Variants in MYO6 observed in about 807,000 individuals in gnomAD.
MYO6 encodes myosin VI.
MYO6 carries 74 observed loss-of-function variants against 178.7 expected under a neutral mutation model. The ratio of observed to expected loss-of-function variants is 0.41; its 90% CI spans 0.34 to 0.50. The LOEUF is 0.50. MYO6 is among the 20% of genes least tolerant of loss of function. The pLI is 0.09. For missense variants in MYO6, 1,330 were observed against 1,547.4 expected (o/e 0.86, Z 2.36); for synonymous variants, 477 against 504.6 (o/e 0.95, Z 0.73).
intron 1 of MYO6, among the ~76,000 whole-genome samples, chr6:75,793,895 T>C (rs1019566146): frequency 1.2e-4 from 19 of 152,196 alleles, no homozygotes; most frequent in African/African-American, 4.6e-4. Flanking sequence ...AATGAAGTCA[T>C]AGGTCTCCAT....
chr6:75,877,126 C>A (rs530364335), intron 20 of MYO6, among the ~76,000 whole-genome samples: 1 of 152,232 alleles, frequency 6.6e-6, no homozygotes, highest in African/African-American at 2.4e-5. Context: ...TATAGGCATG[C>A]ACCACCATGC....
intron 30 of MYO6, among the ~76,000 whole-genome samples, chr6:75,903,705 T>C (rs1780018492): frequency 6.6e-6 from 1 of 152,182 alleles, no homozygotes; most frequent in East Asian, 1.9e-4. Flanking sequence ...TGTCTTTTAA[T>C]TGGAGCATTT....
At chr6:75,901,880 T>G (rs144369500) in intron 30 of MYO6, among the ~76,000 whole-genome samples, 1 of 152,190 alleles carries the variant, frequency 6.6e-6, no homozygotes, top group East Asian at 1.9e-4. Context: ...ATAGCTCTTA[T>G]TATTTTCAAA....
intron 27 of MYO6, among the ~76,000 whole-genome samples, chr6:75,892,168 A>T (rs1275057228): frequency 6.6e-6 from 1 of 152,168 alleles, no homozygotes; most frequent in Non-Finnish European, 1.5e-5. Context: ...CTTTCATAAT[A>T]TATCCTAAGC....
At position 75,908,523 on chromosome 6, in the gene MYO6, A is replaced by C; in HGVS notation, c.3308A>C (p.Glu1103Ala). The change falls in exon 32 of 35, where the codon GAA becomes GCA. Residue 1103 changes from glutamate (E) to alanine (A), a missense_variant. By Grantham distance (107) the Glu-to-Ala change is moderately radical. Around this residue, in one of 3 missense-constraint regions of MYO6, gnomAD observed 601 missense variants for 626.1 expected, o/e 0.96. Coordinates refer to ENST00000369977, the MANE Select transcript of MYO6 (RefSeq NM_004999.4). ...CDIELLAACR[E>A]EFHRRLKVYH... is the part of the protein sequence containing the mutation. ...ATTGAGCTCCTGGCAGCTTGCAGAG[A>C]AGAATTTCATAGGAGACTAAAAGTG... 6.2e-7 allele frequency: 1 copy of C among 1,613,598 alleles called. No homozygotes were observed. Among genetic ancestry groups the C allele is most frequent in the Non-Finnish European group, 8.5e-7 (1 of 1,179,718 alleles).
At chr6:75,853,754 T>G (rs1383557671) in intron 11 of MYO6, among the ~76,000 whole-genome samples, 2 of 152,200 alleles carry the variant, frequency 1.3e-5, no homozygotes, top group Admixed American at 6.6e-5. Context: ...TTAGGTAGTC[T>G]TAGAATATAT....
At chr6:75,896,302 A>AATG (rs1225760585) in intron 29 of MYO6, among the ~76,000 whole-genome samples, 7 of 152,262 alleles carry the variant, frequency 4.6e-5, no homozygotes, top group Non-Finnish European at 1.0e-4. Flanking sequence ...TTTATAATAA[A>AATG]ATGTTTATTT....
chr6:75,777,267 C>T (rs1003890444), intron 1 of MYO6, among the ~76,000 whole-genome samples: 7 of 152,090 alleles, frequency 4.6e-5, no homozygotes, highest in Non-Finnish European at 1.0e-4. Context: ...CTCCCAAGCT[C>T]AAGTGATAAA....
At chr6:75,885,137 G>C (rs1778331009) in intron 23 of MYO6, among the ~76,000 whole-genome samples, 1 of 152,224 alleles carries the variant, frequency 6.6e-6, no homozygotes. Flanking sequence ...GAGTTGGTTA[G>C]GTCAGATCTC....
intron 18 of MYO6, among the ~76,000 whole-genome samples, chr6:75,870,196 A>C (rs1654399117): frequency 6.6e-6 from 1 of 152,202 alleles, no homozygotes; most frequent in South Asian, 2.1e-4. Flanking sequence ...TCCATAAAAC[A>C]ATCCTAATAT....
At chr6:75,832,982 G>A (rs754392687) in intron 6 of MYO6, 35 bp downstream of exon 6, 3 of 1,460,200 alleles carry the variant, frequency 2.1e-6, no homozygotes, top group South Asian at 2.3e-5. Context: ...ATTTGAGTAG[G>A]TTGATCTTTT....
rs988138078 is a variant in MYO6 at position 75,827,745 on chromosome 6, A to G, written c.188-795A>G. The stretch of plus-strand genomic sequence containing the variant: ...CTGGCACTGTGCTGTACTTTCTTAC[A>G]TGGCATAAAGATTTGGAAACTGGTT... On this transcript the variant is annotated intron_variant, in intron 3 of 34. Coordinates refer to ENST00000369977, the MANE Select transcript of MYO6 (RefSeq NM_004999.4). 5.3e-5 allele frequency among the ~76,000 whole-genome samples: 8 copies of G among 152,242 alleles called. No homozygotes were observed. The East Asian group carries it at 5.8e-4, about 11-fold the overall frequency.
At chr6:75,791,713 T>A (rs11962645) in intron 1 of MYO6, among the ~76,000 whole-genome samples, 2,456 of 152,324 alleles carry the variant, frequency 0.016, 63 homozygotes, top group African/African-American at 0.056. Flanking sequence ...CAGAAGCATT[T>A]GGCATGAACA....
intron 5 of MYO6, among the ~76,000 whole-genome samples, chr6:75,831,681 T>TG (rs749477337): frequency 1.3e-4 from 19 of 151,952 alleles, no homozygotes; most frequent in South Asian, 2.1e-4. Context: ...CGCTTGAGCC[T>TG]GGGAAGTCAA....
chr6:75,758,424 C>T (rs276694), intron 1 of MYO6, among the ~76,000 whole-genome samples: 290 of 152,042 alleles, frequency 1.9e-3, no homozygotes, highest in African/African-American at 5.8e-3. Context: ...TGTTAAATTT[C>T]GCACCTAAAT....
intron 18 of MYO6, 39 bp from the exon 19 acceptor site, chr6:75,870,608 G>A: frequency 6.4e-7 from 1 of 1,558,658 alleles, no homozygotes; most frequent in South Asian, 1.1e-5. Flanking sequence ...GTGTACTTTG[G>A]CTTTTTGAAA....
chr6:75,911,651 A>C (rs748180097), intron 32 of MYO6, 21 bp from the exon 33 acceptor site: 3 of 1,606,266 alleles, frequency 1.9e-6, no homozygotes, highest in Non-Finnish European at 2.6e-6. Context: ...CTTTTCTTCA[A>C]CATAAAATAT....
intron 1 of MYO6, among the ~76,000 whole-genome samples, chr6:75,799,567 G>A (rs1206758083): frequency 6.6e-6 from 1 of 152,036 alleles, no homozygotes; most frequent in African/African-American, 2.4e-5. Flanking sequence ...AATAAGGCAA[G>A]CAAATATATA....
chr6:75,828,364 C>T (rs1185347343), intron 3 of MYO6, among the ~76,000 whole-genome samples, 176 bp from the exon 4 acceptor site: 2 of 152,094 alleles, frequency 1.3e-5, no homozygotes, highest in South Asian at 2.1e-4. Flanking sequence ...TAAACTGAAT[C>T]GCTTTTAAAT....
Sources: allele counts gnomAD v4.1 joint callset (sites outside exome capture counted in the v4.1 genomes callset), GRCh38; gene constraint gnomAD v4.1.1; regional missense constraint gnomAD v4.1.1; transcripts MANE v1.5; gene names NCBI Gene and HGNC (gene_info 2026-07-23, HGNC 2026-07-21).